Variants in ADGRL3 observed in about 807,000 individuals in gnomAD.
ADGRL3 encodes the protein calcium-independent alpha-latrotoxin receptor 3.
A neutral mutation model predicts 153.5 loss-of-function variants in ADGRL3; 62 were observed. That is an observed-to-expected ratio of 0.40 (90% CI 0.33 to 0.50). ADGRL3 has a LOEUF of 0.50. Ranked by LOEUF, ADGRL3 falls within the 20% of genes least tolerant of loss-of-function variation. The probability of loss-of-function intolerance (pLI) is 0.47; values close to 1 mark genes in which losing one functional copy is unlikely to be tolerated. For synonymous variants in ADGRL3, 710 were observed against 672.5 expected, an observed-to-expected ratio of 1.06 and a Z score of -0.86; for missense variants, 1,641 against 1,859.4, an observed-to-expected ratio of 0.88 and a Z score of 2.16.
At chr4:61,300,557 G>A (rs1475127829) in intron 1 of ADGRL3, among the ~76,000 whole-genome samples, 1 of 152,014 alleles carries the variant, frequency 6.6e-6, no homozygotes, top group East Asian at 1.9e-4. Context: ...ACCTATTAAG[G>A]AAAAGAAATG....
chr4:61,973,085 T>G (rs2099035015), intron 17 of ADGRL3, among the ~76,000 whole-genome samples: 1 of 152,018 alleles, frequency 6.6e-6, no homozygotes, highest in Non-Finnish European at 1.5e-5. Flanking sequence ...CTTCCATAGT[T>G]AAAATGAAAA....
At chr4:61,959,785 G>A (rs1370005711) in intron 17 of ADGRL3, among the ~76,000 whole-genome samples, 1 of 152,076 alleles carries the variant, frequency 6.6e-6, no homozygotes, top group Non-Finnish European at 1.5e-5. Context: ...GAAAATTTAA[G>A]AAATTAGCTT....
At chr4:61,292,855 T>G (rs985527389) in intron 1 of ADGRL3, among the ~76,000 whole-genome samples, 1 of 152,174 alleles carries the variant, frequency 6.6e-6, no homozygotes, top group African/African-American at 2.4e-5. Flanking sequence ...AAATAGAACC[T>G]TCTTGACCAA....
At chr4:61,404,169 G>A (rs2096964734) in intron 2 of ADGRL3, among the ~76,000 whole-genome samples, 1 of 152,006 alleles carries the variant, frequency 6.6e-6, no homozygotes, top group Admixed American at 6.6e-5. Flanking sequence ...GGCATAACTA[G>A]AATAATTGCA....
chr4:61,935,902 A>G (rs760295009), intron 14 of ADGRL3, 21 bp from the exon 15 acceptor site: 2 of 1,578,970 alleles, frequency 1.3e-6, no homozygotes, highest in Non-Finnish European at 8.6e-7. Context: ...ATGAGCACTG[A>G]TATCTCTTTG....
At chr4:61,964,365 G>T (rs2098998653) in intron 17 of ADGRL3, among the ~76,000 whole-genome samples, 1 of 152,054 alleles carries the variant, frequency 6.6e-6, no homozygotes, top group African/African-American at 2.4e-5. Context: ...TCTTCATCCT[G>T]GATGTAGTTA....
chr4:61,809,295 T>C (rs1286062912), intron 8 of ADGRL3, among the ~76,000 whole-genome samples: 2 of 152,170 alleles, frequency 1.3e-5, no homozygotes, highest in African/African-American at 4.8e-5. Context: ...CATAACTTCA[T>C]GGTTTATTGA....
intron 7 of ADGRL3, among the ~76,000 whole-genome samples, chr4:61,732,180 A>G (rs1419181016): frequency 6.7e-6 from 1 of 148,160 alleles, no homozygotes; most frequent in Non-Finnish European, 1.5e-5. Flanking sequence ...CTCATTTTTA[A>G]TTGTGTGGGT....
In ADGRL3 at chr4:61,979,598, G is replaced by A. The variant is rs751246221; in HGVS notation, c.2841G>A (p.Val947=). 6.2e-7 allele frequency: 1 copy of A among 1,613,902 alleles called. No individual in the cohort carries two copies. The highest frequency in any genetic ancestry group is 8.5e-7 in the Non-Finnish European group (1 of 1,179,868). ...SDAVHDLLLD[V]ITWVGILLSL... ...CGGTCCATGACCTCCTTCTGGATGT[G>A]ATCACGTGGGTTGGAATTTTGCTGT... Residue 947 remains valine, a synonymous_variant, in exon 18 of 27, where the codon GTG becomes GTA. Coordinates refer to ENST00000683033, the MANE Select transcript of ADGRL3 (RefSeq NM_001387552.1).
chr4:61,620,966 C>A (rs984936861), intron 5 of ADGRL3, among the ~76,000 whole-genome samples: 6 of 152,026 alleles, frequency 3.9e-5, no homozygotes, highest in East Asian at 1.9e-4. Context: ...AAGGATAGTT[C>A]TTTTCTGTAT....
At chr4:61,251,814 T>C (rs1201898270) in intron 1 of ADGRL3, among the ~76,000 whole-genome samples, 1 of 151,244 alleles carries the variant, frequency 6.6e-6, no homozygotes, top group East Asian at 1.9e-4. Flanking sequence ...GTCATTGTGA[T>C]CCTCAAGCAG....
At chr4:61,895,619 A>C (rs2098626167) in intron 10 of ADGRL3, 112 bp from the exon 11 acceptor site, 1 of 594,012 alleles carries the variant, frequency 1.7e-6, no homozygotes, top group African/African-American at 1.9e-5. Flanking sequence ...GTTTTAATAA[A>C]CATTATATCA....
At chr4:61,433,876 A>G (rs780659371) in intron 2 of ADGRL3, among the ~76,000 whole-genome samples, 1 of 152,160 alleles carries the variant, frequency 6.6e-6, no homozygotes, top group Non-Finnish European at 1.5e-5. Flanking sequence ...CCTTATCTCA[A>G]TAAATAATAT....
At chr4:61,420,437 CA>C (rs1489303807) in intron 2 of ADGRL3, 3 of 110,414 alleles carry the variant, frequency 2.7e-5, no homozygotes, top group African/African-American at 3.5e-5. Context: ...GGCGGAGTCT[CA>C]CTCCGTAGCC....
chr4:61,436,825 C>G (rs1220945301), intron 2 of ADGRL3, among the ~76,000 whole-genome samples: 2 of 151,800 alleles, frequency 1.3e-5, no homozygotes, highest in Non-Finnish European at 2.9e-5. Context: ...AGGGTGGGAT[C>G]CACAGTTACT....
chr4:61,662,794 A>C (rs2094646272), intron 5 of ADGRL3, among the ~76,000 whole-genome samples: 1 of 152,186 alleles, frequency 6.6e-6, no homozygotes, highest in Admixed American at 6.5e-5. Flanking sequence ...CAATCCCATA[A>C]AAACCCTAGG....
At position 61,733,508 on chromosome 4, in the gene ADGRL3, C is replaced by T. The variant is rs373960206; in HGVS notation, c.1353C>T (p.His451=). ...DNLLYVWNNY[H]VVKYSLDFGP... is the part of the protein sequence containing the mutation. ...TACTTTATGTATGGAATAACTATCA[C>T]GTCGTGAAATATTCTTTGGATTTTG... Residue 451 remains histidine (H), a synonymous_variant, in exon 8 of 27, where the codon CAC becomes CAT. Transcript: ENST00000683033. 64 of 1,613,376 alleles carry T rather than the reference C, an allele frequency of 4.0e-5. No homozygotes were observed. Among genetic ancestry groups the T allele is most frequent in the East Asian group, 2.5e-4 (11 of 44,864 alleles).
intron 24 of ADGRL3, among the ~76,000 whole-genome samples, chr4:62,039,672 G>A (rs191785285): frequency 4.6e-4 from 70 of 152,254 alleles, no homozygotes; most frequent in Non-Finnish European, 7.4e-5. Context: ...TCACATAAGA[G>A]TGGGGGCAGA....
At chr4:61,616,187 G>C (rs558449805) in intron 5 of ADGRL3, among the ~76,000 whole-genome samples, 1 of 152,170 alleles carries the variant, frequency 6.6e-6, no homozygotes, top group East Asian at 1.9e-4. Context: ...GATAAAAATG[G>C]TAGTTATATA....
Sources: allele counts gnomAD v4.1 joint callset (sites outside exome capture counted in the v4.1 genomes callset), GRCh38; gene constraint gnomAD v4.1.1; transcripts MANE v1.5; gene names NCBI Gene and HGNC (gene_info 2026-07-23, HGNC 2026-07-21).